Variants in CLSTN2 observed in about 807,000 individuals in gnomAD.
CLSTN2 encodes the protein calsyntenin 2.
Under a neutral mutation model 101.2 loss-of-function variants are expected in CLSTN2, and 48 were observed. That is an observed-to-expected ratio of 0.47 (90% CI 0.38 to 0.60). The LOEUF (loss-of-function observed/expected upper bound fraction) is 0.60, where lower values mean the gene tolerates loss of function less well. CLSTN2 is among the 20% of genes least tolerant of loss of function. CLSTN2 has a pLI of 0.00. For missense variants in CLSTN2, 1,160 were observed against 1,238.2 expected, an observed-to-expected ratio of 0.94 and a Z score of 0.95; for synonymous variants, 481 against 463.6, an observed-to-expected ratio of 1.04 and a Z score of -0.48.
At position 140,030,841 on chromosome 3, in the gene CLSTN2, G is replaced by A. The variant is rs186242321; in HGVS notation, c.109+95358G>A. 5.9e-5 allele frequency among the ~76,000 whole-genome samples: 9 copies of A among 152,316 alleles called. No individual in the cohort carries two copies. The East Asian group carries it at 1.7e-3, about 29-fold the overall frequency. On this transcript the variant is annotated intron_variant, in intron 1 of 16. Coordinates refer to ENST00000458420, the MANE Select transcript of CLSTN2 (RefSeq NM_022131.3). ...AAATGGCAGATAAATTGCAGCTTCC[G>A]CCTTGAATTCCCTTTGGTGGGACGC... is the stretch of plus-strand genomic sequence containing the variant.
In CLSTN2 at chr3:140,084,871, C is replaced by T. The variant is rs181643859; in HGVS notation, c.110-91080C>T. Among the ~76,000 whole-genome samples, 311 of 152,298 alleles carry T rather than the reference C, an allele frequency of 2.0e-3. 4 individuals carry two copies. Among genetic ancestry groups the T allele is most frequent in the Non-Finnish European group, 3.7e-4 (25 of 68,036 alleles). On this transcript the variant is annotated intron_variant, in intron 1 of 16. Transcript: ENST00000458420. Reference sequence around the variant, plus strand: ...GTACCCTCCTGAGGAAGTCTACTTGCTTTTTGAATTGGGACTCAACCTGTG... The same window carrying T: ...GTACCCTCCTGAGGAAGTCTACTTGTTTTTTGAATTGGGACTCAACCTGTG...
chr3:140,324,134 C>G (rs1198998543), intron 2 of CLSTN2, among the ~76,000 whole-genome samples: 1 of 152,198 alleles, frequency 6.6e-6, no homozygotes, highest in African/African-American at 2.4e-5. Flanking sequence ...TTGAAAAGTA[C>G]TGTGGGCACC....
At chr3:140,393,782 A>T (rs553544915) in intron 2 of CLSTN2, among the ~76,000 whole-genome samples, 1 of 152,306 alleles carries the variant, frequency 6.6e-6, no homozygotes, top group South Asian at 2.1e-4. Context: ...CCTGCTTGAC[A>T]GTGGGAAAAC....
intron 1 of CLSTN2, among the ~76,000 whole-genome samples, chr3:140,064,134 G>A (rs930909007): frequency 6.6e-6 from 1 of 152,154 alleles, no homozygotes; most frequent in African/African-American, 2.4e-5. Context: ...AGGAGGGCCT[G>A]CCCACTCCAT....
chr3:140,018,836 G>A (rs2007250939), intron 1 of CLSTN2, among the ~76,000 whole-genome samples: 1 of 152,182 alleles, frequency 6.6e-6, no homozygotes, highest in South Asian at 2.1e-4. Context: ...AGTACTCATT[G>A]GTAGATACTG....
intron 5 of CLSTN2, among the ~76,000 whole-genome samples, chr3:140,442,527 A>G (rs1932952837): frequency 6.6e-6 from 1 of 152,108 alleles, no homozygotes; most frequent in African/African-American, 2.4e-5. Flanking sequence ...GAATCTGTCC[A>G]GTTGCAGGGT....
intron 1 of CLSTN2, among the ~76,000 whole-genome samples, chr3:140,015,092 A>T (rs1436755456): frequency 6.6e-6 from 1 of 152,132 alleles, no homozygotes; most frequent in African/African-American, 2.4e-5. Context: ...TGAGTCCCAT[A>T]GGGGTGGTTT....
At chr3:140,184,900 A>G (rs1157565465) in intron 2 of CLSTN2, among the ~76,000 whole-genome samples, 2 of 152,128 alleles carry the variant, frequency 1.3e-5, no homozygotes, top group East Asian at 3.9e-4. Context: ...TCCCGCACAT[A>G]TACACCATGG....
At chr3:140,323,614 A>C (rs896687962) in intron 2 of CLSTN2, among the ~76,000 whole-genome samples, 2 of 152,158 alleles carry the variant, frequency 1.3e-5, no homozygotes, top group African/African-American at 4.8e-5. Flanking sequence ...CAGTCTCTTC[A>C]TCTGTTCAGT....
chr3:140,335,741 G>T (rs147175014), intron 2 of CLSTN2, among the ~76,000 whole-genome samples: 1 of 152,168 alleles, frequency 6.6e-6, no homozygotes, highest in African/African-American at 2.4e-5. Context: ...TGGTTCCTGC[G>T]ATGCTAAAAT....
intron 1 of CLSTN2, among the ~76,000 whole-genome samples, chr3:140,021,437 G>A (rs1297393134): frequency 6.6e-6 from 1 of 152,196 alleles, no homozygotes; most frequent in Non-Finnish European, 1.5e-5. Context: ...ATTGCAGTGA[G>A]CCAGGCATGC....
intron 2 of CLSTN2, among the ~76,000 whole-genome samples, chr3:140,347,292 A>G (rs1219919800): frequency 6.6e-6 from 1 of 152,234 alleles, no homozygotes; most frequent in Admixed American, 6.5e-5. Flanking sequence ...ATTTCCAGTG[A>G]CATGGAATCT....
At chr3:140,472,795 G>A (rs1006281220) in intron 8 of CLSTN2, among the ~76,000 whole-genome samples, 14 of 152,318 alleles carry the variant, frequency 9.2e-5, no homozygotes, top group Admixed American at 8.5e-4. Flanking sequence ...ATATATGTAT[G>A]TGTGTTTTGG....
At chr3:140,168,108 A>C (rs1421730206) in intron 1 of CLSTN2, among the ~76,000 whole-genome samples, 8 of 152,210 alleles carry the variant, frequency 5.3e-5, no homozygotes, top group Admixed American at 5.2e-4. Flanking sequence ...ATAAGAAACT[A>C]TTTTGCAAAG....
chr3:140,385,004 G>C (rs1352810083), intron 2 of CLSTN2, among the ~76,000 whole-genome samples: 2 of 152,186 alleles, frequency 1.3e-5, no homozygotes, highest in Non-Finnish European at 2.9e-5. Context: ...AGCCAGAAAA[G>C]AAGTGGGCAA....
intron 1 of CLSTN2, among the ~76,000 whole-genome samples, chr3:140,030,506 G>A (rs992281922): frequency 1.3e-5 from 2 of 152,126 alleles, no homozygotes; most frequent in African/African-American, 4.8e-5. Context: ...ATTAGTCCAG[G>A]AGGTCTATTC....
intron 1 of CLSTN2, among the ~76,000 whole-genome samples, chr3:140,074,255 A>T (rs2008444942): frequency 6.6e-6 from 1 of 152,154 alleles, no homozygotes; most frequent in Non-Finnish European, 1.5e-5. Context: ...ATTCTTGAGC[A>T]CTTGAGTATC....
chr3:140,154,688 AGGCT>A (rs1170082106), intron 1 of CLSTN2, among the ~76,000 whole-genome samples: 5 of 114,238 alleles, frequency 4.4e-5, no homozygotes, highest in African/African-American at 1.7e-4. Flanking sequence ...TCTGTCGCCC[AGGCT>A]GGAGTGCAGT....
chr3:140,218,866 C>T (rs2086235222), intron 2 of CLSTN2, among the ~76,000 whole-genome samples: 1 of 152,100 alleles, frequency 6.6e-6, no homozygotes, highest in Admixed American at 6.5e-5. Flanking sequence ...ATAGAAGCAG[C>T]TTTCACAAAT....
Sources: gnomAD v4.1 joint callset for allele counts (sites outside exome capture counted in the v4.1 genomes callset) on GRCh38, gnomAD v4.1.1 for gene constraint, MANE v1.5 for transcripts, NCBI Gene and HGNC (gene_info 2026-07-23, HGNC 2026-07-21) for gene names.